NAALADL2: variants seen among roughly 807,000 people sequenced by gnomAD.
NAALADL2 encodes inactive N-acetylated-alpha-linked acidic dipeptidase-like protein 2.
Under a neutral mutation model 87.2 loss-of-function variants are expected in NAALADL2, and 76 were observed. The ratio of observed to expected loss-of-function variants is 0.87; its 90% CI spans 0.72 to 1.05. The LOEUF is 1.05. Among genes scored for constraint, NAALADL2 ranks in the 50% least tolerant of loss-of-function variants. The pLI is 0.00. For synonymous variants in NAALADL2, 354 were observed against 331.0 expected (o/e 1.07, Z -0.75); for missense variants, 1,089 against 945.8 (o/e 1.15, Z -1.99).
intron 4 of NAALADL2, among the ~76,000 whole-genome samples, chr3:175,315,411 A>C (rs1759012956): frequency 6.6e-6 from 1 of 152,156 alleles, no homozygotes; most frequent in Admixed American, 6.5e-5. Context: ...TTTGAGGGAG[A>C]ATCATTAACT....
At chr3:174,958,520 A>G (rs910326900) in intron 1 of NAALADL2, among the ~76,000 whole-genome samples, 1 of 152,036 alleles carries the variant, frequency 6.6e-6, no homozygotes, top group African/African-American at 2.4e-5. Context: ...TCCAATAGTT[A>G]TTGAAATTGA....
chr3:175,374,916 A>AG (rs1766961600), intron 5 of NAALADL2, among the ~76,000 whole-genome samples: 1 of 148,324 alleles, frequency 6.7e-6, no homozygotes, highest in Non-Finnish European at 1.5e-5. Context: ...AAATAAATAA[A>AG]TAAGTCAAGT....
intron 4 of NAALADL2, among the ~76,000 whole-genome samples, chr3:175,285,099 G>T (rs1166961180): frequency 2.0e-5 from 3 of 152,024 alleles, no homozygotes; most frequent in Non-Finnish European, 4.4e-5. Context: ...AGAAATATTT[G>T]TTTTCTAGAT....
chr3:174,798,083 T>C (rs1718355483), intron 3 of NAALADL2, among the ~76,000 whole-genome samples: 1 of 152,186 alleles, frequency 6.6e-6, no homozygotes, highest in African/African-American at 2.4e-5. Flanking sequence ...CGGATATTGT[T>C]CCAGCAGAAA....
intron 1 of NAALADL2, among the ~76,000 whole-genome samples, chr3:174,974,184 A>G (rs945368372): frequency 3.9e-5 from 6 of 152,186 alleles, no homozygotes; most frequent in Non-Finnish European, 7.4e-5. Context: ...TTGCAGGGTT[A>G]TTTATAAAAT....
At chr3:174,866,779 A>G (rs1727200337) in intron 1 of NAALADL2, among the ~76,000 whole-genome samples, 1 of 151,800 alleles carries the variant, frequency 6.6e-6, no homozygotes, top group Non-Finnish European at 1.5e-5. Flanking sequence ...AAGTTATTTT[A>G]TATGTAGGTA....
At chr3:175,330,627 A>G (rs1334131106) in intron 5 of NAALADL2, among the ~76,000 whole-genome samples, 1 of 152,168 alleles carries the variant, frequency 6.6e-6, no homozygotes, top group Non-Finnish European at 1.5e-5. Context: ...GAAACACAAC[A>G]TACCAAAACC....
chr3:175,011,401 G>C (rs569881318), intron 1 of NAALADL2, among the ~76,000 whole-genome samples: 1 of 151,994 alleles, frequency 6.6e-6, no homozygotes, highest in African/African-American at 2.4e-5. Context: ...TTGGTCACTG[G>C]ACCACTTTCC....
chr3:174,640,044 C>T (rs1174568966), intron 2 of NAALADL2, among the ~76,000 whole-genome samples: 1 of 152,152 alleles, frequency 6.6e-6, no homozygotes, highest in Non-Finnish European at 1.5e-5. Context: ...TAACCTCCTC[C>T]CAAAGTTAGC....
intron 11 of NAALADL2, among the ~76,000 whole-genome samples, chr3:175,716,422 C>T (rs1015827881): frequency 6.6e-6 from 1 of 150,820 alleles, no homozygotes; most frequent in African/African-American, 2.4e-5. Context: ...AAAAAGCCGA[C>T]TGCTCTAAGA....
At chr3:175,199,759 T>C (rs1580889692) in intron 2 of NAALADL2, among the ~76,000 whole-genome samples, 1 of 80,234 alleles carries the variant, frequency 1.2e-5, no homozygotes, top group Admixed American at 1.5e-4. Flanking sequence ...GGAAAACTGA[T>C]TGATTTGCTG....
At chr3:174,944,730 G>A (rs1431356583) in intron 1 of NAALADL2, among the ~76,000 whole-genome samples, 2 of 152,190 alleles carry the variant, frequency 1.3e-5, no homozygotes, top group Non-Finnish European at 2.9e-5. Context: ...GTGTCAGACT[G>A]AAGACCCTGG....
rs1292681301 is a variant in NAALADL2, at chr3:175,718,549, G to A, written c.1897-18757G>A. On this transcript the variant is annotated intron_variant, in intron 11 of 13. Coordinates refer to ENST00000454872, the MANE Select transcript of NAALADL2 (RefSeq NM_207015.3). The stretch of plus-strand genomic sequence containing the variant: ...TCCATCTTGTAAGTGTCATGTCTTC[G>A]TCATCTTCTAGATCCCAGCTAACTG... The A allele has an allele frequency of 3.8e-5, 61 of 1,591,906 alleles. 1 individual carries two copies. The highest frequency in any genetic ancestry group is 1.1e-4 in the South Asian group (10 of 90,650).
chr3:175,441,130 C>T (rs995864821), intron 5 of NAALADL2, among the ~76,000 whole-genome samples: 1 of 151,810 alleles, frequency 6.6e-6, no homozygotes, highest in Non-Finnish European at 1.5e-5. Context: ...ACCATTGGCT[C>T]TCCATATCCA....
chr3:174,460,600 T>G (rs768543104), intron 1 of NAALADL2, among the ~76,000 whole-genome samples: 3 of 151,996 alleles, frequency 2.0e-5, no homozygotes, highest in African/African-American at 4.8e-5. Flanking sequence ...TTCTTTTTTT[T>G]TCTTACGGTT....
At chr3:174,760,088 A>T (rs185330054) in intron 3 of NAALADL2, among the ~76,000 whole-genome samples, 1 of 152,182 alleles carries the variant, frequency 6.6e-6, no homozygotes, top group African/African-American at 2.4e-5. Flanking sequence ...TGTAAAGTAG[A>T]TAGAGCAGGC....
At position 174,881,986 on chromosome 3, in the gene NAALADL2, T is replaced by A. The variant is rs181980052; in HGVS notation, c.43+22536T>A. Among the ~76,000 whole-genome samples the A allele has an allele frequency of 1.5e-3, 230 of 152,300 alleles. 1 individual carries two copies. The highest frequency in any genetic ancestry group is 5.4e-3 in the African/African-American group (225 of 41,584). On this transcript the variant is annotated intron_variant, in intron 1 of 13. Transcript: ENST00000454872. ...TTTAATGATATGTATTTATCTAAAATGCTTTTACAGTGATAGATTTTAGGC... is the reference window on the plus strand; with the variant it reads ...TTTAATGATATGTATTTATCTAAAAAGCTTTTACAGTGATAGATTTTAGGC...
chr3:175,466,878 T>A, intron 7 of NAALADL2, 101 bp from the exon 8 acceptor site: 1 of 1,019,228 alleles, frequency 9.8e-7, no homozygotes, highest in South Asian at 1.5e-5. Context: ...CAATTTTGCT[T>A]AATTATTGCT....
chr3:174,522,432 G>T (rs1381946452), intron 1 of NAALADL2, among the ~76,000 whole-genome samples: 3 of 152,042 alleles, frequency 2.0e-5, no homozygotes, highest in African/African-American at 4.8e-5. Context: ...AAGCTGAGGT[G>T]GGGGGATTGC....
Sources: allele counts gnomAD v4.1 joint callset (sites outside exome capture counted in the v4.1 genomes callset), GRCh38; gene constraint gnomAD v4.1.1; transcripts MANE v1.5; gene names NCBI Gene and HGNC (gene_info 2026-07-23, HGNC 2026-07-21).